ADAMTSL1: variants seen among roughly 807,000 people sequenced by gnomAD.
ADAMTSL1 encodes ADAMTS-like protein 1.
ADAMTSL1 carries 126 observed loss-of-function variants against 201.8 expected under a neutral mutation model. The observed-to-expected ratio is 0.62, with a 90% CI of 0.54 to 0.72. The LOEUF (loss-of-function observed/expected upper bound fraction) is 0.72. Ranked by LOEUF, ADAMTSL1 falls within the 30% of genes least tolerant of loss-of-function variation. ADAMTSL1 has a pLI of 0.00. For missense variants in ADAMTSL1, 2,679 were observed against 2,277.8 expected (o/e 1.18, Z -3.59); for synonymous variants, 1,121 against 903.4 (o/e 1.24, Z -4.32).
At chr9:17,953,482 GAT>G (rs1827807991) in intron 1 of ADAMTSL1, among the ~76,000 whole-genome samples, 1 of 152,170 alleles carries the variant, frequency 6.6e-6, no homozygotes, top group Admixed American at 6.6e-5. Context: ...TTGTCCTACA[GAT>G]ATATGTGTTC....
intron 23 of ADAMTSL1, among the ~76,000 whole-genome samples, chr9:18,884,794 A>G (rs1397291716): frequency 2.6e-5 from 4 of 152,104 alleles, no homozygotes; most frequent in Non-Finnish European, 5.9e-5. Flanking sequence ...TTTGATTACT[A>G]TCACTTTGTA....
rs1479857151 is a variant in ADAMTSL1, at chr9:18,579,576, T to C, written c.474+5310T>C. 3.3e-5 allele frequency among the ~76,000 whole-genome samples: 5 copies of C among 152,250 alleles called. No individual in the cohort carries two copies. In the East Asian group the frequency reaches 5.8e-4, roughly 18 times the overall value. On this transcript the variant is annotated intron_variant, in intron 4 of 28. Transcript: ENST00000380548. ...ACTTGTATTAATTGTACCCAAGTTATGTCTTATCTTTTTCTTTTTCTTCCT... is the reference window on the plus strand; with the variant it reads ...ACTTGTATTAATTGTACCCAAGTTACGTCTTATCTTTTTCTTTTTCTTCCT...
At chr9:18,883,475 A>G (rs138776974) in intron 23 of ADAMTSL1, among the ~76,000 whole-genome samples, 1,571 of 152,316 alleles carry the variant, frequency 0.01, 12 homozygotes, top group Middle Eastern at 0.044. Flanking sequence ...ACTCTTTTTA[A>G]GTGCACAGTT....
At chr9:18,213,139 A>C (rs1161015470) in intron 2 of ADAMTSL1, among the ~76,000 whole-genome samples, 2 of 152,184 alleles carry the variant, frequency 1.3e-5, no homozygotes, top group East Asian at 3.9e-4. Flanking sequence ...GAAAGAAAGA[A>C]ACTGTAAGCT....
chr9:18,789,809 A>G (rs1821918521), intron 19 of ADAMTSL1, among the ~76,000 whole-genome samples: 1 of 152,342 alleles, frequency 6.6e-6, no homozygotes, highest in East Asian at 1.9e-4. Context: ...CAAAGAGGCC[A>G]TCTTGACTAG....
At chr9:18,058,735 C>T (rs976299665) in intron 1 of ADAMTSL1, among the ~76,000 whole-genome samples, 7 of 152,102 alleles carry the variant, frequency 4.6e-5, no homozygotes, top group Non-Finnish European at 1.5e-5. Context: ...TATATTAAAA[C>T]ATTTTGTCTG....
At position 18,292,819 on chromosome 9, in the gene ADAMTSL1, A is replaced by T. The variant is rs576199281; in HGVS notation, c.207+128838A>T. 2.8e-3 allele frequency among the ~76,000 whole-genome samples: 433 copies of T among 152,276 alleles called. 1 individual carries two copies. The highest frequency in any genetic ancestry group is 6.8e-3 in the Middle Eastern group (2 of 294). ...TTTTGAGGTTTTGGGACTGAGACTG[A>T]TCCACCACTAGCTTCCTTGTTCCTC... On this transcript the variant is annotated intron_variant, in intron 2 of 29. Transcript: ENST00000680146.
intron 1 of ADAMTSL1, among the ~76,000 whole-genome samples, chr9:17,986,846 C>T (rs889773330): frequency 7.9e-5 from 12 of 151,970 alleles, no homozygotes; most frequent in African/African-American, 2.9e-4. Flanking sequence ...ACCTCATACT[C>T]CATTTGACAC....
intron 15 of ADAMTSL1, among the ~76,000 whole-genome samples, chr9:18,751,844 A>ATAAAGACACAACTAGAAAAC (rs1588043614): frequency 2.6e-5 from 1 of 38,232 alleles, no homozygotes; most frequent in Non-Finnish European, 6.0e-5. Context: ...TACAACTTGC[A>ATAAAGACACAACTAGAAAAC]CTTTGGGAGG....
chr9:18,635,803 T>C (rs1827073776), intron 5 of ADAMTSL1, 140 bp from the exon 6 acceptor site: 3 of 632,376 alleles, frequency 4.7e-6, no homozygotes, highest in Non-Finnish European at 5.3e-6. Context: ...TGTTGATTTC[T>C]AAATATTGGC....
intron 1 of ADAMTSL1, among the ~76,000 whole-genome samples, chr9:18,005,305 G>A (rs1385793063): frequency 6.6e-6 from 1 of 152,014 alleles, no homozygotes; most frequent in Non-Finnish European, 1.5e-5. Context: ...GAAGTGTGCA[G>A]AAAAAACAGA....
In ADAMTSL1 at chr9:18,807,659, C is replaced by CAAA. The variant is rs58783987; in HGVS notation, c.3806-9442_3806-9440dup. ...AGACTCTGTCTCAAAAAAAAAAAAACAAAAAAAAAACAAAGCATACATAGT... is the reference window on the plus strand; with the variant it reads ...AGACTCTGTCTCAAAAAAAAAAAAACAAAAAAAAAAAAACAAAGCATACATAGT... On this transcript the variant is annotated intron_variant, in intron 20 of 28. Transcript: ENST00000380548. Among the ~76,000 whole-genome samples, 364 of 86,586 alleles carry CAAA rather than the reference C, an allele frequency of 4.2e-3. 4 individuals carry two copies. The highest frequency in any genetic ancestry group is 6.1e-3 in the Non-Finnish European group (220 of 36,198). The allele number at this position is 86,586 out of a possible 152,430, so 56.8% of individuals were successfully genotyped here. A position where few individuals can be genotyped will look rare whatever the true frequency, so the allele number is the denominator to read the frequency against.
intron 2 of ADAMTSL1, among the ~76,000 whole-genome samples, chr9:18,414,908 G>A (rs1818607178): frequency 6.6e-6 from 1 of 152,192 alleles, no homozygotes; most frequent in Non-Finnish European, 1.5e-5. Flanking sequence ...GGTAATGCCT[G>A]TTCCCACAAA....
intron 8 of ADAMTSL1, among the ~76,000 whole-genome samples, chr9:18,659,211 G>A (rs1828905238): frequency 1.3e-5 from 2 of 152,108 alleles, no homozygotes; most frequent in Non-Finnish European, 2.9e-5. Flanking sequence ...CCTGAAAATG[G>A]AGACAAATGA....
chr9:18,905,740 A>T (rs1182164437), intron 26 of ADAMTSL1, 42 bp from the exon 27 acceptor site: 2 of 1,539,708 alleles, frequency 1.3e-6, no homozygotes, highest in Non-Finnish European at 1.8e-6. Context: ...TCCACCCTTG[A>T]CTTGGCTAAT....
chr9:18,774,158 C>A (rs1483614839), intron 17 of ADAMTSL1, among the ~76,000 whole-genome samples: 1 of 152,144 alleles, frequency 6.6e-6, no homozygotes, highest in Non-Finnish European at 1.5e-5. Context: ...AGCCTCCTTC[C>A]CCGATGCCCT....
At chr9:18,325,939 C>G (rs1834816146) in intron 2 of ADAMTSL1, among the ~76,000 whole-genome samples, 1 of 152,166 alleles carries the variant, frequency 6.6e-6, no homozygotes, top group Non-Finnish European at 1.5e-5. Context: ...CAGGGTTTCA[C>G]CATGTTGGCC....
chr9:18,177,745 T>C (rs1200725280), intron 2 of ADAMTSL1, among the ~76,000 whole-genome samples: 1 of 152,180 alleles, frequency 6.6e-6, no homozygotes, highest in African/African-American at 2.4e-5. Context: ...TGTCACTCAC[T>C]TTCTTTTTAT....
intron 1 of ADAMTSL1, among the ~76,000 whole-genome samples, chr9:17,981,198 C>A (rs1448201919): frequency 6.6e-6 from 1 of 152,178 alleles, no homozygotes; most frequent in Non-Finnish European, 1.5e-5. Flanking sequence ...GGAAGAATGC[C>A]CTCACCAGAT....
Sources: allele counts gnomAD v4.1 joint callset (sites outside exome capture counted in the v4.1 genomes callset), GRCh38; gene constraint gnomAD v4.1.1; transcripts MANE v1.5; gene names NCBI Gene and HGNC (gene_info 2026-07-23, HGNC 2026-07-21).